CACNA1D: variants seen among roughly 807,000 people sequenced by gnomAD.
The protein encoded by CACNA1D is voltage-dependent L-type calcium channel subunit alpha-1D.
In CACNA1D, 55 loss-of-function variants were observed where a neutral mutation model predicts 257.1. The observed-to-expected ratio is 0.21, with a 90% CI of 0.17 to 0.27. The LOEUF (loss-of-function observed/expected upper bound fraction) is 0.27. Among genes scored for constraint, CACNA1D ranks in the 10% least tolerant of loss-of-function variants. The pLI is 1.00. For missense variants in CACNA1D, 1,876 were observed against 2,784.0 expected, an observed-to-expected ratio of 0.67 and a Z score of 7.34; for synonymous variants, 980 against 1,014.9, an observed-to-expected ratio of 0.97 and a Z score of 0.65.
Position 53,495,112 on chromosome 3 carries a change from C to T in CACNA1D, c.-55C>T, listed in dbSNP as rs975776194. The T allele has an allele frequency of 2.1e-6, 3 of 1,431,720 alleles. 1 individual carries two copies. Among genetic ancestry groups the T allele is most frequent in the Non-Finnish European group, 2.0e-6 (2 of 1,020,740 alleles). 88.7% of individuals were successfully genotyped at this position (1,431,720 alleles called of 1,614,324 possible). ...ATCCCCTTCCCCATTCCGCCCCCGC[C>T]TCAACGCCCAGCACAGTGCCCTGCA... On this transcript the variant is annotated 5_prime_UTR_variant, in exon 1 of 48. Transcript: ENST00000350061. This position sits in a 1 kb window ranked among gnomAD's most constrained non-coding sequence, Gnocchi z 5.1.
chr3:53,672,940 G>A (rs2108411778), intron 7 of CACNA1D, 83 bp from the exon 8 acceptor site: 1 of 855,194 alleles, frequency 1.2e-6, no homozygotes, highest in Non-Finnish European at 1.9e-6. Context: ...TAAATGTATA[G>A]AATGCTGTCT....
intron 43 of CACNA1D, among the ~76,000 whole-genome samples, chr3:53,803,068 A>G (rs957704589): frequency 6.6e-6 from 1 of 152,182 alleles, no homozygotes; most frequent in Non-Finnish European, 1.5e-5. Context: ...GGGAGGGATC[A>G]GAGCAGATGC....
intron 43 of CACNA1D, among the ~76,000 whole-genome samples, chr3:53,802,902 T>C (rs2095543390): frequency 6.6e-6 from 1 of 152,098 alleles, no homozygotes; most frequent in Non-Finnish European, 1.5e-5. Context: ...TTTGGAAACA[T>C]GGTGGACATG....
At chr3:53,739,482 A>G (rs985122313) in intron 20 of CACNA1D, among the ~76,000 whole-genome samples, 3 of 152,194 alleles carry the variant, frequency 2.0e-5, no homozygotes, top group Non-Finnish European at 4.4e-5. Context: ...GAGGAGAAGC[A>G]GGGACCCCAG....
intron 4 of CACNA1D, among the ~76,000 whole-genome samples, chr3:53,652,915 ACCTGAAAT>A (rs1305465405): frequency 8.5e-5 from 13 of 152,210 alleles, no homozygotes; most frequent in South Asian, 2.1e-4. Context: ...TACAGAGACT[ACCTGAAAT>A]CCTTGCTTAC....
intron 45 of CACNA1D, chr3:53,807,820 G>A (rs1163536812): frequency 2.0e-5 from 3 of 152,354 alleles, no homozygotes; most frequent in African/African-American, 7.2e-5. Context: ...AAAATTAGAG[G>A]TGTCCTTTGT....
At chr3:53,539,308 C>T (rs1216143656) in intron 3 of CACNA1D, among the ~76,000 whole-genome samples, 2 of 152,040 alleles carry the variant, frequency 1.3e-5, no homozygotes, top group African/African-American at 4.8e-5. Context: ...CAGGTTTTCA[C>T]CATGTTAGCC....
At chr3:53,776,442 C>G (rs1248376464) in intron 35 of CACNA1D, among the ~76,000 whole-genome samples, 161 bp from the exon 36 acceptor site, 1 of 152,234 alleles carries the variant, frequency 6.6e-6, no homozygotes, top group Non-Finnish European at 1.5e-5. Flanking sequence ...AAGCTAGAAT[C>G]ACACTCTTTT....
chr3:53,798,304 T>TGCGC (rs1291373965), intron 40 of CACNA1D, among the ~76,000 whole-genome samples: 2 of 103,342 alleles, frequency 1.9e-5, no homozygotes, highest in Non-Finnish European at 4.5e-5. Context: ...TGTGTGTATG[T>TGCGC]GTGCGTGTGT....
chr3:53,730,097 G>C (rs982083010), intron 15 of CACNA1D, among the ~76,000 whole-genome samples: 1 of 152,072 alleles, frequency 6.6e-6, no homozygotes, highest in Non-Finnish European at 1.5e-5. Flanking sequence ...TTATGTTATA[G>C]ATTGTTTTAT....
Position 53,774,082 on chromosome 3 carries a change from C to G in CACNA1D, c.4111-505C>G, listed in dbSNP as rs561847605. On this transcript the variant is annotated intron_variant, in intron 33 of 47. Transcript: ENST00000350061. This position sits in a 1 kb window ranked among gnomAD's most constrained non-coding sequence, Gnocchi z 4.3. The stretch of plus-strand genomic sequence containing the variant: ...TGGTCTTTTATCTGTCTGCTCATCA[C>G]ACGTTATTTTCATTCCCTCGGTATC... The G allele has an allele frequency of 1.6e-4, 27 of 168,734 alleles. No individual in the cohort carries two copies. The South Asian group carries it at 4.3e-3, about 27-fold the overall frequency. 10.5% of individuals were successfully genotyped at this position (168,734 alleles called of 1,614,324 possible).
At chr3:53,710,504 T>C (rs1236765188) in intron 9 of CACNA1D, 2 of 456,678 alleles carry the variant, frequency 4.4e-6, no homozygotes, top group Admixed American at 4.7e-5. Context: ...TGAGCTTTCT[T>C]TTTCCGCAAC....
chr3:53,569,504 A>G (rs1044141815), intron 3 of CACNA1D, among the ~76,000 whole-genome samples: 2 of 152,298 alleles, frequency 1.3e-5, no homozygotes, highest in South Asian at 4.1e-4. Context: ...TATTTTGTTA[A>G]AGGAGTGAAT....
Position 53,772,828 on chromosome 3 carries a change from C to T in CACNA1D, c.4045-5C>T, listed in dbSNP as rs1401719420. 2.5e-6 allele frequency: 4 copies of T among 1,613,674 alleles called. No homozygotes were observed. The highest frequency in any genetic ancestry group is 3.4e-6 in the Non-Finnish European group (4 of 1,179,744). On this transcript the variant is annotated splice_polypyrimidine_tract_variant and splice_region_variant and intron_variant, in intron 32 of 47. Coordinates refer to ENST00000350061, the MANE Select transcript of CACNA1D (RefSeq NM_001128840.3). Reference sequence around the variant, plus strand: ...GTGCTGAGCCAAGTGCCTTTTCTCTCCCAGGCGCTCCCGTATGTGGCCCTC... The same window carrying T: ...GTGCTGAGCCAAGTGCCTTTTCTCTTCCAGGCGCTCCCGTATGTGGCCCTC...
At chr3:53,752,851 C>G (rs913810506) in intron 28 of CACNA1D, among the ~76,000 whole-genome samples, 2 of 152,236 alleles carry the variant, frequency 1.3e-5, no homozygotes, top group African/African-American at 4.8e-5. Context: ...GTTACAGCTA[C>G]TTCTTATTCC....
At chr3:53,583,979 T>C (rs1370218144) in intron 3 of CACNA1D, among the ~76,000 whole-genome samples, 1 of 152,202 alleles carries the variant, frequency 6.6e-6, no homozygotes, top group East Asian at 1.9e-4. Flanking sequence ...AGACAGCAGC[T>C]GTGGCATGTA....
chr3:53,564,643 T>G (rs1447375827), intron 3 of CACNA1D, among the ~76,000 whole-genome samples: 1 of 152,244 alleles, frequency 6.6e-6, no homozygotes, highest in Non-Finnish European at 1.5e-5. Context: ...TTCTTTAGTT[T>G]TTAAATTAGC....
At chr3:53,691,004 T>A (rs1353030344) in intron 8 of CACNA1D, among the ~76,000 whole-genome samples, 1 of 152,234 alleles carries the variant, frequency 6.6e-6, no homozygotes, top group Non-Finnish European at 1.5e-5. Flanking sequence ...AGAGTGTGTT[T>A]ATGAAGTGAC....
chr3:53,496,968 A>T (rs571810115), intron 1 of CACNA1D, among the ~76,000 whole-genome samples, 184 bp from the exon 2 acceptor site: 2 of 152,294 alleles, frequency 1.3e-5, no homozygotes, highest in African/African-American at 4.8e-5. Context: ...GAGCTCGTGG[A>T]CTTTTCTTGA....
Sources: allele counts gnomAD v4.1 joint callset (sites outside exome capture counted in the v4.1 genomes callset), GRCh38; gene constraint gnomAD v4.1.1; non-coding constraint Gnocchi (gnomAD v3.1); transcripts MANE v1.5; gene names NCBI Gene and HGNC (gene_info 2026-07-23, HGNC 2026-07-21).